RENBP: variants seen among roughly 807,000 people sequenced by gnomAD.
The protein encoded by RENBP is renin binding protein, also known as N-acylglucosamine 2-epimerase.
In RENBP, 16 loss-of-function variants were observed where a neutral mutation model predicts 37.8. That is an observed-to-expected ratio of 0.42 (90% CI 0.29 to 0.64). The LOEUF (loss-of-function observed/expected upper bound fraction) is 0.64, where lower values mean the gene tolerates loss of function less well. Ranked by LOEUF, RENBP falls within the 30% of genes least tolerant of loss-of-function variation. The pLI, the probability that RENBP is intolerant of heterozygous loss-of-function variation, is 0.19. For missense variants in RENBP, 347 were observed against 379.5 expected, an observed-to-expected ratio of 0.91 and a Z score of 0.71; for synonymous variants, 170 against 154.8, an observed-to-expected ratio of 1.10 and a Z score of -0.73.
Position 153,943,933 on chromosome X carries a change from C to A in RENBP, c.251G>T (p.Arg84Leu). 8.4e-7 allele frequency: 1 copy of A among 1,187,185 alleles called. No homozygotes were observed. Among genetic ancestry groups the A allele is most frequent in the Non-Finnish European group, 1.1e-6 (1 of 882,791 alleles). Reference sequence around the variant, plus strand: ...GTCCAGAAGCTGAGCATGGCGGAAGCGCTCGAAAGTGCGGTACAGGCGACA... The same window carrying A: ...GTCCAGAAGCTGAGCATGGCGGAAGAGCTCGAAAGTGCGGTACAGGCGACA... ...MYCRLYRTFE[R>L]FRHAQLLDAA... The change falls in exon 4 of 11, where the codon CGC becomes CTC. Residue 84 changes from arginine (R) to leucine (L), a missense_variant. This residue lies in a region of RENBP where 244 missense variants were observed against 279.4 expected (regional missense o/e 0.87). Transcript: ENST00000393700.
At position 153,943,036 on chromosome X, in the gene RENBP, T is replaced by C. The variant is rs2229241; in HGVS notation, c.506A>G (p.Gln169Arg). Residue 169 changes from glutamine to arginine, a missense_variant, in exon 6 of 11, where the codon CAG (glutamine) becomes CGG (arginine). Gln to Arg is a conservative substitution (Grantham distance 43, BLOSUM62 1). This residue lies in a region of RENBP where 244 missense variants were observed against 279.4 expected (regional missense o/e 0.87). Transcript: ENST00000393700. ...EMMDQIVHWV[Q>R]EDASGLGRPQ... Reference sequence around the variant, plus strand: ...CCGGCCCAGTCCCGACGCGTCCTCCTGCACCCAGTGGACGATCTGATCCAT... The same window carrying C: ...CCGGCCCAGTCCCGACGCGTCCTCCCGCACCCAGTGGACGATCTGATCCAT... 11,076 of 1,192,387 alleles carry C rather than the reference T, an allele frequency of 9.3e-3. 628 individuals carry two copies. In the African/African-American group the frequency reaches 0.17, roughly 19 times the overall value.
rs782559240 is a variant in RENBP at position 153,935,512 on chromosome X, G to A, written c.1142C>T (p.Ser381Phe). 1.6e-5 allele frequency: 19 copies of A among 1,208,529 alleles called. No homozygotes were observed. The highest frequency in any genetic ancestry group is 2.1e-5 in the Non-Finnish European group (19 of 893,849). The part of the protein sequence containing the change: ...YLSREGKVAL[S>F]IKGGPFKGCF... ...ACCTTTGAAAGGACCTCCCTTGATG[G>A]AGAGGGCCACCTTGCCCTCTCGGCT... The change falls in exon 10 of 11, where the codon TCC becomes TTC. Residue 381 changes from serine to phenylalanine, a missense_variant. Physicochemically the swap from Ser to Phe is radical, Grantham distance 155. Coordinates refer to ENST00000393700, the MANE Select transcript of RENBP (RefSeq NM_002910.6).
Position 153,935,354 on chromosome X carries a change from C to A in RENBP, c.1216G>T (p.Ala406Ser), listed in dbSNP as rs1557108288. 1 of 1,106,928 alleles carries A rather than the reference C, an allele frequency of 9.0e-7. No individual in the cohort carries two copies. The allele number at this position is 1,106,928 out of a possible 1,213,427, so 91.2% of individuals were successfully genotyped here. A position where few individuals can be genotyped will look rare whatever the true frequency, so the allele number is the denominator to read the frequency against. Residue 406 changes from alanine to serine, a missense_variant, in exon 11 of 11, where the codon GCC becomes TCC. Coordinates refer to ENST00000393700, the MANE Select transcript of RENBP (RefSeq NM_002910.6). ...CLAMCEEMLG[A>S]LLSRPAPAPS... ...GCGGGGGCGGGGCGGCTCAGCAGGG[C>A]GCCCAGCATCTCCTCGCACATGGCT...
rs1392436888 is a variant in RENBP, at chrX:153,938,782, GT to G, written c.1077+1319del. On this transcript the variant is annotated intron_variant, in intron 9 of 10. Transcript: ENST00000393700. ...CATAGATCTCAGCAGCATCTGTACT[GT>G]TTTTTTTTTTTTGTTTTTTTTTTTT... Among the ~76,000 whole-genome samples the G allele has an allele frequency of 4.8e-3, 361 of 75,505 alleles. 4 individuals carry two copies. Among genetic ancestry groups the G allele is most frequent in the African/African-American group, 0.019 (314 of 16,712 alleles). 65.6% of individuals were successfully genotyped at this position (75,505 alleles called of 115,157 possible).
At position 153,943,864 on chromosome X, in the gene RENBP, A is replaced by T. The variant is rs199524865; in HGVS notation, c.289+31T>A. 33 of 1,172,662 alleles carry T rather than the reference A, an allele frequency of 2.8e-5. No individual in the cohort carries two copies. The East Asian group carries it at 3.8e-4, about 14-fold the overall frequency. On this transcript the variant is annotated intron_variant, in intron 4 of 10. Coordinates refer to ENST00000393700, the MANE Select transcript of RENBP (RefSeq NM_002910.6). ...CTGTTGAGTAAACATGGACGGAGTC[A>T]CTGGGAGATGGGCAGGAAGGGGGCA...
At chrX:153,937,415 T>G (rs1336028458) in intron 9 of RENBP, among the ~76,000 whole-genome samples, 1 of 109,437 alleles carries the variant, frequency 9.1e-6, no homozygotes, top group Non-Finnish European at 1.9e-5. Context: ...ACTTACCTGT[T>G]TTTTTGTTTG....
chrX:153,938,581 G>A (rs2065212529), intron 9 of RENBP, among the ~76,000 whole-genome samples: 1 of 110,678 alleles, frequency 9.0e-6, no homozygotes, highest in African/African-American at 3.3e-5. Flanking sequence ...CCTTTCCACT[G>A]GGTGCCATGC....
chrX:153,943,790 C>G, intron 4 of RENBP, 72 bp from the exon 5 acceptor site: 1 of 1,180,411 alleles, frequency 8.5e-7, no homozygotes. Context: ...TGAGCCTCCC[C>G]AAGTCCTTCG....
intron 1 of RENBP, 61 bp from the exon 2 acceptor site, chrX:153,944,479 G>A (rs2065241223): frequency 4.3e-6 from 5 of 1,171,198 alleles, no homozygotes; most frequent in Non-Finnish European, 3.5e-6. Flanking sequence ...CCCCAGCCTC[G>A]GGAACCAGCC....
chrX:153,942,469 T>C (rs2065231533), intron 6 of RENBP: 1 of 222,169 alleles, frequency 4.5e-6, no homozygotes, highest in Non-Finnish European at 8.1e-6. Flanking sequence ...ACTCCTGACC[T>C]CAGGTGATCC....
Position 153,941,564 on chromosome X carries a change from G to A in RENBP, c.859C>T (p.Leu287=). 8.3e-7 allele frequency: 1 copy of A among 1,210,329 alleles called. No individual in the cohort carries two copies. The highest frequency in any genetic ancestry group is 3.0e-5 in the East Asian group (1 of 33,807). The change falls in exon 8 of 11, where the codon CTA becomes TTA. Residue 287 remains leucine (L), a synonymous_variant. Transcript: ENST00000393700. ...CATCCGGAGTGGAAGGGCAACAATAGGAACTTGTCAATCACGTGGGCTCGA... is the reference window on the plus strand; with the variant it reads ...CATCCGGAGTGGAAGGGCAACAATAAGAACTTGTCAATCACGTGGGCTCGA... The part of the protein sequence containing the change: ...ELRAHVIDKF[L]LLPFHSGWDP...
chrX:153,938,335 T>C lies in RENBP; in HGVS notation c.1077+1767A>G, dbSNP rs1272099015. 5.3e-5 allele frequency among the ~76,000 whole-genome samples: 6 copies of C among 112,422 alleles called. 1 individual carries two copies. The highest frequency in any genetic ancestry group is 1.1e-4 in the Non-Finnish European group (6 of 53,286). On this transcript the variant is annotated intron_variant, in intron 9 of 10. Transcript: ENST00000393700. Reference sequence around the variant, plus strand: ...TGTGGTTCATTGCCTCCACTCATAATGGCAGCAAATGCTAGTTTCAGTTAG... The same window carrying C: ...TGTGGTTCATTGCCTCCACTCATAACGGCAGCAAATGCTAGTTTCAGTTAG...
rs782135790 is a variant in RENBP at position 153,943,954 on chromosome X, C to T, written c.230G>A (p.Arg77His). 7.5e-6 allele frequency: 9 copies of T among 1,197,330 alleles called. No homozygotes were observed. Among genetic ancestry groups the T allele is most frequent in the Non-Finnish European group, 1.0e-5 (9 of 887,847 alleles). ...GAAGCGCTCGAAAGTGCGGTACAGG[C>T]GACAATACATCCATACCTGCGGGGT... ...LQGRQVWMYC[R>H]LYRTFERFRH... The change falls in exon 4 of 11, where the codon CGC (arginine) becomes CAC (histidine). Residue 77 changes from arginine (R) to histidine (H), a missense_variant. By Grantham distance (29) the Arg-to-His change is conservative (BLOSUM62 0). Transcript: ENST00000393700.
intron 9 of RENBP, chrX:153,936,144 C>T (rs1189591897): frequency 8.8e-6 from 1 of 113,011 alleles, no homozygotes; most frequent in African/African-American, 3.5e-5. Flanking sequence ...AACAAACAAA[C>T]AAACGAACAA....
intron 10 of RENBP, 32 bp from the exon 11 acceptor site, chrX:153,935,436 C>T: frequency 4.4e-6 from 5 of 1,148,024 alleles, no homozygotes; most frequent in Non-Finnish European, 5.9e-6. Flanking sequence ...TAGTGAGGGC[C>T]GGGGGCAGCC....
rs1471889770 is a variant in RENBP at position 153,942,043 on chromosome X, G to A, written c.688-12C>T. On this transcript the variant is annotated splice_polypyrimidine_tract_variant and intron_variant, in intron 6 of 10. Transcript: ENST00000393700. ...GCTTGTCCATCCCTCTACCGGGAAG[G>A]AGCAGAAGGGAATGTTGCCTCCAGC... 4 of 1,174,447 alleles carry A rather than the reference G, an allele frequency of 3.4e-6. No homozygotes were observed. The highest frequency in any genetic ancestry group is 1.8e-5 in the African/African-American group (1 of 55,412).
Position 153,943,962 on chromosome X carries a change from C to T in RENBP, c.222G>A (p.Met74Ile). ...CGAAAGTGCGGTACAGGCGACAATA[C>T]ATCCATACCTGCGGGGTACGGGAGG... ...YVWLQGRQVW[M>I]YCRLYRTFER... is the part of the protein sequence containing the mutation. The change falls in exon 4 of 11, where the codon ATG (methionine) becomes ATA (isoleucine). Residue 74 changes from methionine (M) to isoleucine (I), a missense_variant. Met to Ile is a conservative substitution (Grantham distance 10, BLOSUM62 1). Transcript: ENST00000393700. The T allele has an allele frequency of 2.5e-6, 3 of 1,200,769 alleles. No individual in the cohort carries two copies. The highest frequency in any genetic ancestry group is 3.4e-6 in the Non-Finnish European group (3 of 889,593).
chrX:153,937,110 A>T (rs1476890161), intron 9 of RENBP: 1 of 115,134 alleles, frequency 8.7e-6, no homozygotes, highest in Non-Finnish European at 1.8e-5. Flanking sequence ...CTGAGGTGGA[A>T]GGATCGCTTG....
At chrX:153,944,215 C>G in intron 2 of RENBP, 60 bp from the exon 3 acceptor site, 1 of 1,178,450 alleles carries the variant, frequency 8.5e-7, no homozygotes, top group South Asian at 1.8e-5. Flanking sequence ...TCCTGCCCCT[C>G]TGGGGCCAGC....
Sources: gnomAD v4.1 joint callset for allele counts (sites outside exome capture counted in the v4.1 genomes callset) on GRCh38, gnomAD v4.1.1 for gene constraint, gnomAD v4.1.1 regional missense constraint, MANE v1.5 for transcripts, NCBI Gene and HGNC (gene_info 2026-07-23, HGNC 2026-07-21) for gene names.